Variants in DTWD2 observed in about 807,000 individuals in gnomAD.
DTWD2 encodes the protein tRNA-uridine aminocarboxypropyltransferase 2.
A neutral mutation model predicts 31.8 loss-of-function variants in DTWD2; 39 were observed. The ratio of observed to expected loss-of-function variants is 1.22; its 90% CI spans 0.95 to 1.60. The LOEUF is 1.60. DTWD2 is among the 40% of genes most tolerant of loss of function. DTWD2 has a pLI of 0.00. For synonymous variants in DTWD2, 180 were observed against 142.8 expected (o/e 1.26, Z -1.86); for missense variants, 515 against 381.5 (o/e 1.35, Z -2.92).
chr5:118,901,929 C>A (rs1753219183), intron 4 of DTWD2, among the ~76,000 whole-genome samples: 1 of 152,090 alleles, frequency 6.6e-6, no homozygotes, highest in African/African-American at 2.4e-5. Flanking sequence ...ATTTTTAACC[C>A]AAGCTAAACT....
chr5:118,970,377 A>G (rs1288945543), intron 1 of DTWD2, among the ~76,000 whole-genome samples: 1 of 152,238 alleles, frequency 6.6e-6, no homozygotes, highest in Admixed American at 6.5e-5. Context: ...CAGTGAACCA[A>G]GATTGCACCA....
chr5:118,845,181 G>A (rs1751821349), intron 5 of DTWD2, among the ~76,000 whole-genome samples: 1 of 151,770 alleles, frequency 6.6e-6, no homozygotes, highest in Non-Finnish European at 1.5e-5. Flanking sequence ...AAAAGTGAAG[G>A]AAAGTGAAGC....
chr5:118,859,698 G>C (rs1561429706), intron 4 of DTWD2, among the ~76,000 whole-genome samples: 1 of 152,126 alleles, frequency 6.6e-6, no homozygotes, highest in African/African-American at 2.4e-5. Context: ...TGTGTAATAA[G>C]ATAAGCTTAT....
chr5:118,919,391 T>G (rs1753651756), intron 4 of DTWD2, among the ~76,000 whole-genome samples: 1 of 152,206 alleles, frequency 6.6e-6, no homozygotes, highest in Non-Finnish European at 1.5e-5. Context: ...AGCAAATGAC[T>G]CAGGTTTTAT....
intron 1 of DTWD2, among the ~76,000 whole-genome samples, chr5:118,951,981 G>A (rs930054098): frequency 7.2e-5 from 11 of 152,136 alleles, no homozygotes; most frequent in South Asian, 4.2e-4. Context: ...GATAAAACGC[G>A]TCTCCTCTGT....
intron 2 of DTWD2, among the ~76,000 whole-genome samples, chr5:118,939,713 T>A (rs1754138729): frequency 6.6e-6 from 1 of 152,102 alleles, no homozygotes; most frequent in African/African-American, 2.4e-5. Context: ...AACAAAACAA[T>A]CGGTTCTTCC....
intron 4 of DTWD2, among the ~76,000 whole-genome samples, chr5:118,904,374 G>A: frequency 6.6e-6 from 1 of 152,138 alleles, no homozygotes; most frequent in East Asian, 1.9e-4. Context: ...TTATATACTG[G>A]ACTGACATAG....
At chr5:118,964,631 G>A (rs1245191166) in intron 1 of DTWD2, among the ~76,000 whole-genome samples, 3 of 152,224 alleles carry the variant, frequency 2.0e-5, no homozygotes, top group South Asian at 2.1e-4. Context: ...TGGTGGAGAC[G>A]GGGTTTCGCT....
chr5:118,967,801 C>A (rs184466605), intron 1 of DTWD2, among the ~76,000 whole-genome samples: 104 of 152,158 alleles, frequency 6.8e-4, no homozygotes, highest in Non-Finnish European at 1.3e-3. Flanking sequence ...ACCATCAGAG[C>A]ACCATAGCCA....
intron 1 of DTWD2, among the ~76,000 whole-genome samples, chr5:118,956,369 T>TA (rs1754587695): frequency 1.3e-5 from 2 of 152,216 alleles, no homozygotes; most frequent in African/African-American, 4.8e-5. Context: ...TTCTGTGAAA[T>TA]AAGCTTTTTC....
At chr5:118,964,730 G>A (rs1354366460) in intron 1 of DTWD2, among the ~76,000 whole-genome samples, 2 of 152,234 alleles carry the variant, frequency 1.3e-5, no homozygotes, top group African/African-American at 2.4e-5. Context: ...ATGGAGTCTC[G>A]TTCACTCAGT....
At chr5:118,880,639 G>A (rs1752720780) in intron 4 of DTWD2, among the ~76,000 whole-genome samples, 2 of 152,048 alleles carry the variant, frequency 1.3e-5, no homozygotes, top group South Asian at 4.1e-4. Flanking sequence ...TTCATGTAAA[G>A]TGTATTCATT....
intron 4 of DTWD2, among the ~76,000 whole-genome samples, chr5:118,897,680 GACCATACAA>G (rs1384043874): frequency 1.3e-5 from 2 of 152,054 alleles, no homozygotes; most frequent in African/African-American, 2.4e-5. Context: ...AAACAATACA[GACCATACAA>G]ACCATACAAA....
At chr5:118,975,022 G>A (rs199868352) in intron 1 of DTWD2, among the ~76,000 whole-genome samples, 1 of 152,094 alleles carries the variant, frequency 6.6e-6, no homozygotes, top group East Asian at 1.9e-4. Context: ...TCTTCTCAAG[G>A]AGTATCTTTG....
At chr5:118,842,153 T>G (rs1751733639) in intron 5 of DTWD2, among the ~76,000 whole-genome samples, 1 of 152,112 alleles carries the variant, frequency 6.6e-6, no homozygotes, top group African/African-American at 2.4e-5. Context: ...TAGCTTTAAT[T>G]TATAATGAAA....
chr5:118,945,570 G>C (rs1287285436), intron 1 of DTWD2, among the ~76,000 whole-genome samples: 1 of 152,082 alleles, frequency 6.6e-6, no homozygotes, highest in African/African-American at 2.4e-5. Context: ...TTCAAGACCA[G>C]CCTGGCCAAT....
At chr5:118,906,260 A>T (rs564208866) in intron 4 of DTWD2, among the ~76,000 whole-genome samples, 1 of 152,324 alleles carries the variant, frequency 6.6e-6, no homozygotes, top group East Asian at 1.9e-4. Flanking sequence ...GTAAAATGTT[A>T]AATACTACAG....
At chr5:118,909,139 A>G (rs903164143) in intron 4 of DTWD2, among the ~76,000 whole-genome samples, 1 of 152,240 alleles carries the variant, frequency 6.6e-6, no homozygotes, top group African/African-American at 2.4e-5. Context: ...ACCCAGATCA[A>G]TGGGGAGACC....
intron 1 of DTWD2, among the ~76,000 whole-genome samples, chr5:118,979,604 T>A (rs1251913502): frequency 1.3e-5 from 2 of 152,164 alleles, no homozygotes; most frequent in Admixed American, 6.5e-5. Context: ...ATGGAATCAA[T>A]CCACATGCCC....
Sources: allele counts gnomAD v4.1 joint callset (sites outside exome capture counted in the v4.1 genomes callset), GRCh38; gene constraint gnomAD v4.1.1; transcripts MANE v1.5; gene names NCBI Gene and HGNC (gene_info 2026-07-23, HGNC 2026-07-21).